The following NEDD4L variants were observed in gnomAD, a reference collection of about 807,000 sequenced individuals.
The protein encoded by NEDD4L is E3 ubiquitin-protein ligase NEDD4-like.
Under a neutral mutation model 148.9 loss-of-function variants are expected in NEDD4L, and 54 were observed. The observed-to-expected ratio is 0.36, with a 90% confidence interval of 0.29 to 0.45. The LOEUF (loss-of-function observed/expected upper bound fraction) is 0.45. NEDD4L is among the 20% of genes least tolerant of loss of function. The pLI is 1.00. For synonymous variants in NEDD4L, 433 were observed against 440.7 expected, an observed-to-expected ratio of 0.98 and a Z score of 0.22; for missense variants, 856 against 1,233.8, an observed-to-expected ratio of 0.69 and a Z score of 4.59.
chr18:58,252,693 T>A (rs993736143), intron 5 of NEDD4L, among the ~76,000 whole-genome samples: 1 of 152,212 alleles, frequency 6.6e-6, no homozygotes, highest in Non-Finnish European at 1.5e-5. Context: ...GACACATACA[T>A]AACTGAAATA....
At chr18:58,326,537 G>A (rs2059327210) in intron 9 of NEDD4L, among the ~76,000 whole-genome samples, 1 of 152,194 alleles carries the variant, frequency 6.6e-6, no homozygotes, top group Non-Finnish European at 1.5e-5. Context: ...TAGTAAAAAT[G>A]AATTTGGACC....
chr18:58,383,259 A>T lies in NEDD4L; in HGVS notation c.2366A>T (p.Asp789Val). ...EENFGQTYQV[D>V]LKPNGSEIMV... Reference sequence around the variant, plus strand: ...TTGTAATTACAGACATATCAAGTGGATTTGAAGCCCAATGGGTCAGAAATA... The same window carrying T: ...TTGTAATTACAGACATATCAAGTGGTTTTGAAGCCCAATGGGTCAGAAATA... Residue 789 changes from aspartate (D) to valine (V), a missense_variant, in exon 25 of 31, where the codon GAT (aspartate) becomes GTT (valine). Asp to Val is a radical substitution (Grantham distance 152, BLOSUM62 -3). Coordinates refer to ENST00000400345, the MANE Select transcript of NEDD4L (RefSeq NM_001144967.3). 6.5e-7 allele frequency: 1 copy of T among 1,532,910 alleles called. No homozygotes were observed. Among genetic ancestry groups the T allele is most frequent in the Non-Finnish European group, 8.9e-7 (1 of 1,129,176 alleles). 95.0% of individuals were successfully genotyped at this position (1,532,910 alleles called of 1,614,324 possible).
chr18:58,264,829 C>CT (rs1261159699), intron 5 of NEDD4L, among the ~76,000 whole-genome samples: 1 of 152,066 alleles, frequency 6.6e-6, no homozygotes, highest in Non-Finnish European at 1.5e-5. Context: ...GAGAGCTTTA[C>CT]TTTTGCAGTA....
intron 5 of NEDD4L, among the ~76,000 whole-genome samples, chr18:58,298,051 G>A (rs982796730): frequency 6.6e-6 from 1 of 151,880 alleles, no homozygotes; most frequent in Non-Finnish European, 1.5e-5. Context: ...AATGTCTCTG[G>A]GTTAACAAGT....
chr18:58,153,464 C>G (rs1291901356), intron 1 of NEDD4L, among the ~76,000 whole-genome samples: 1 of 151,394 alleles, frequency 6.6e-6, no homozygotes, highest in Non-Finnish European at 1.5e-5. Context: ...CTCAGCCTCC[C>G]GAGTAGCTGG....
At chr18:58,132,164 C>T (rs981917961) in intron 1 of NEDD4L, among the ~76,000 whole-genome samples, 1 of 152,154 alleles carries the variant, frequency 6.6e-6, no homozygotes, top group Non-Finnish European at 1.5e-5. Context: ...CCATTATTCT[C>T]CATCAGTGCG....
At chr18:58,244,153 A>G (rs757285193) in intron 2 of NEDD4L, among the ~76,000 whole-genome samples, 1 of 152,228 alleles carries the variant, frequency 6.6e-6, no homozygotes, top group Non-Finnish European at 1.5e-5. Flanking sequence ...CTTTGGAAAT[A>G]TCTTAGACAT....
chr18:58,207,369 A>T (rs1473621056), intron 2 of NEDD4L, among the ~76,000 whole-genome samples: 2 of 151,550 alleles, frequency 1.3e-5, no homozygotes, highest in Non-Finnish European at 2.9e-5. Context: ...TAGCCAATGC[A>T]GCGTCCTTGA....
chr18:58,257,650 C>T (rs2048785070), intron 5 of NEDD4L, among the ~76,000 whole-genome samples: 1 of 152,172 alleles, frequency 6.6e-6, no homozygotes, highest in South Asian at 2.1e-4. Flanking sequence ...TTTCTCTGTT[C>T]CTGATCGCTC....
intron 2 of NEDD4L, among the ~76,000 whole-genome samples, chr18:58,227,320 C>T (rs939892388): frequency 6.6e-6 from 1 of 152,128 alleles, no homozygotes; most frequent in Non-Finnish European, 1.5e-5. Flanking sequence ...AAGCAGACCC[C>T]GGAGACTTAG....
At chr18:58,180,915 G>A (rs1394838394) in intron 2 of NEDD4L, among the ~76,000 whole-genome samples, 2 of 152,184 alleles carry the variant, frequency 1.3e-5, no homozygotes, top group Non-Finnish European at 2.9e-5. Context: ...CTATCGAGGT[G>A]TATTGGGGGG....
At chr18:58,144,442 C>T (rs1185081149) in intron 1 of NEDD4L, among the ~76,000 whole-genome samples, 1 of 152,020 alleles carries the variant, frequency 6.6e-6, no homozygotes, top group Admixed American at 6.5e-5. Context: ...CATGAGGGAT[C>T]CACCCCCATG....
At chr18:58,335,346 G>A (rs1338022437) in intron 12 of NEDD4L, 132 bp from the exon 13 acceptor site, 8 of 695,748 alleles carry the variant, frequency 1.1e-5, no homozygotes, top group Non-Finnish European at 2.1e-5. Flanking sequence ...GCTTTGTCTG[G>A]ATAGGGTGGG....
chr18:58,270,358 T>G (rs1457583061), intron 5 of NEDD4L, among the ~76,000 whole-genome samples: 1 of 152,216 alleles, frequency 6.6e-6, no homozygotes, highest in African/African-American at 2.4e-5. Context: ...GGACATCAGG[T>G]GGCCTGAAGC....
intron 1 of NEDD4L, among the ~76,000 whole-genome samples, chr18:58,119,446 C>T (rs540263642): frequency 3.9e-5 from 6 of 152,290 alleles, no homozygotes; most frequent in East Asian, 1.9e-4. Context: ...GTTCTGGAAT[C>T]GCTTATCAGC....
At chr18:58,318,891 T>C (rs2058528369) in intron 6 of NEDD4L, among the ~76,000 whole-genome samples, 1 of 152,162 alleles carries the variant, frequency 6.6e-6, no homozygotes, top group African/African-American at 2.4e-5. Context: ...CAGAGAGAGC[T>C]ATTTTAAAAC....
chr18:58,285,671 T>C (rs2053800953), intron 5 of NEDD4L, among the ~76,000 whole-genome samples: 1 of 152,160 alleles, frequency 6.6e-6, no homozygotes, highest in Non-Finnish European at 1.5e-5. Flanking sequence ...GGAGGCTGGG[T>C]TAGATCAGCT....
At chr18:58,375,460 G>A (rs2047440769) in intron 24 of NEDD4L, among the ~76,000 whole-genome samples, 1 of 151,990 alleles carries the variant, frequency 6.6e-6, no homozygotes, top group Non-Finnish European at 1.5e-5. Context: ...AAAACTGTTA[G>A]CATGGCATAT....
At chr18:58,129,444 G>T (rs2145929657) in intron 1 of NEDD4L, among the ~76,000 whole-genome samples, 1 of 152,322 alleles carries the variant, frequency 6.6e-6, no homozygotes, top group East Asian at 1.9e-4. Flanking sequence ...ATTTCAGTTG[G>T]CCATCTTCTG....
Sources: gnomAD v4.1 joint callset for allele counts (sites outside exome capture counted in the v4.1 genomes callset) on GRCh38, gnomAD v4.1.1 for gene constraint, MANE v1.5 for transcripts, NCBI Gene and HGNC (gene_info 2026-07-23, HGNC 2026-07-21) for gene names.